Variants in ZNHIT1 observed in about 807,000 individuals in gnomAD.
The protein encoded by ZNHIT1 is zinc finger HIT domain-containing protein 1.
Under a neutral mutation model 21.4 loss-of-function variants are expected in ZNHIT1, and 20 were observed. That is an observed-to-expected ratio of 0.93 (90% confidence interval 0.66 to 1.36). The LOEUF is 1.36. Ranked by LOEUF, ZNHIT1 falls within the 40% of genes most tolerant of loss-of-function variation. ZNHIT1 has a pLI of 0.00. For missense variants in ZNHIT1, 170 were observed against 213.5 expected (o/e 0.80, Z 1.27); for synonymous variants, 79 against 84.0 (o/e 0.94, Z 0.32).
At chr7:101,218,321 T>C (rs1018882027) in intron 1 of ZNHIT1, 104 bp downstream of exon 1, 11 of 1,265,758 alleles carry the variant, frequency 8.7e-6, no homozygotes, top group Non-Finnish European at 1.2e-5. Flanking sequence ...TCGCCTAGGC[T>C]GGAGTGCAGT....
At chr7:101,223,069 C>A (rs910041530) in intron 2 of ZNHIT1, among the ~76,000 whole-genome samples, 1 of 152,084 alleles carries the variant, frequency 6.6e-6, no homozygotes. Flanking sequence ...AGCGAGGGGC[C>A]GACTTAGAGC....
At chr7:101,222,379 G>T (rs1798383047) in intron 1 of ZNHIT1, 2 of 519,814 alleles carry the variant, frequency 3.8e-6, no homozygotes, top group East Asian at 6.3e-5. Flanking sequence ...GAGGAAGGCG[G>T]AGAAAACAGG....
In ZNHIT1 at chr7:101,223,680, G is replaced by A; in HGVS notation, c.281G>A (p.Ser94Asn). ...GGCCCCTTGTCTCTGCAGAACTTGA[G>A]TGTGGCCGAGGGCCCTAACTACCTG... is the stretch of plus-strand genomic sequence containing the variant. ...FQALLEEQNL[S>N]VAEGPNYLTA... The change falls in exon 4 of 5, where the codon AGT (serine) becomes AAT (asparagine). Residue 94 changes from serine (S) to asparagine (N), a missense_variant. Physicochemically the swap from Ser to Asn is conservative, Grantham distance 46. Transcript: ENST00000305105. 1 of 1,610,666 alleles carries A rather than the reference G, an allele frequency of 6.2e-7. No individual in the cohort carries two copies. Among genetic ancestry groups the A allele is most frequent in the Non-Finnish European group, 8.5e-7 (1 of 1,178,184 alleles).
chr7:101,218,221 T>C lies in ZNHIT1; in HGVS notation c.22+4T>C. On this transcript the variant is annotated splice_donor_region_variant and intron_variant, in intron 1 of 4. Coordinates refer to ENST00000305105, the MANE Select transcript of ZNHIT1 (RefSeq NM_006349.3). ...ATGGTGGAGAAGAAAACTTCGGGTA[T>C]GTGAGCCCCCGCGGTTCGCCCCCTT... The C allele has an allele frequency of 1.2e-6, 2 of 1,612,720 alleles. No individual in the cohort carries two copies. Among genetic ancestry groups the C allele is most frequent in the Admixed American group, 1.7e-5 (1 of 59,720 alleles).
Position 101,222,671 on chromosome 7 carries a change from G to C in ZNHIT1, c.90G>C (p.Arg30=). The part of the protein sequence containing the change: ...DRAARQRRIN[R]QLEALENDNF... The stretch of plus-strand genomic sequence containing the variant: ...CTGCCCGGCAGCGTCGCATCAACCG[G>C]CAGCTGGAGGCCCTGGAGAATGACA... Residue 30 remains arginine, a synonymous_variant, in exon 2 of 5, where the codon CGG becomes CGC. Transcript: ENST00000305105. 6.2e-7 allele frequency: 1 copy of C among 1,614,140 alleles called. No homozygotes were observed. The highest frequency in any genetic ancestry group is 8.5e-7 in the Non-Finnish European group (1 of 1,179,998).
At chr7:101,221,017 G>T (rs1390447629) in intron 1 of ZNHIT1, 1 of 152,188 alleles carries the variant, frequency 6.6e-6, no homozygotes, top group Non-Finnish European at 1.5e-5. Context: ...CTCCCAAAGT[G>T]CTGGGATTGC....
intron 4 of ZNHIT1, 40 bp downstream of exon 4, chr7:101,223,882 C>T: frequency 6.2e-7 from 1 of 1,614,138 alleles, no homozygotes. Flanking sequence ...CTCCCTCCTT[C>T]CCACAGCCTC....
At chr7:101,222,911 C>T in intron 2 of ZNHIT1, 137 bp downstream of exon 2, 1 of 1,113,830 alleles carries the variant, frequency 9.0e-7, no homozygotes, top group Non-Finnish European at 1.3e-6. Flanking sequence ...TGAGCAACCA[C>T]ACCCCCTTTC....
rs1335597522 is a variant in ZNHIT1 at position 101,224,090 on chromosome 7, G to A, written c.*132G>A. 1 of 1,398,870 alleles carries A rather than the reference G, an allele frequency of 7.1e-7. No individual in the cohort carries two copies. The highest frequency in any genetic ancestry group is 9.9e-7 in the Non-Finnish European group (1 of 1,008,236). 86.7% of individuals were successfully genotyped at this position (1,398,870 alleles called of 1,614,324 possible). On this transcript the variant is annotated 3_prime_UTR_variant, in exon 5 of 5. Transcript: ENST00000305105. ...AGCCGCTCATTCACCCAACAAAACT[G>A]TGTCTTATCTGCCAGGAAAGACCAG...
chr7:101,219,957 T>C (rs75274561), intron 1 of ZNHIT1: 4,341 of 152,294 alleles, frequency 0.029, 112 homozygotes, highest in African/African-American at 0.068. Context: ...TACTCCATGC[T>C]GTACTTACTG....
rs142789038 is a variant in ZNHIT1, at chr7:101,223,483, A to G, written c.200A>G (p.Lys67Arg). The change falls in exon 3 of 5, where the codon AAA (lysine) becomes AGA (arginine). Residue 67 changes from lysine (K) to arginine (R), a missense_variant. Physicochemically the swap from Lys to Arg is conservative, Grantham distance 26. Transcript: ENST00000305105. ...GATCACCCTTGACCCCTAGGAAAGA[A>G]AAAGAAGAAAACCCGAGGTGATCAT... is the stretch of plus-strand genomic sequence containing the variant. ...QFDDDADTGKKKKKTRGDHFK... is the reference protein window; with the variant it reads ...QFDDDADTGKRKKKTRGDHFK... 495 of 1,614,164 alleles carry G rather than the reference A, an allele frequency of 3.1e-4. 3 individuals are homozygous for G. The South Asian group carries it at 4.3e-3, about 14-fold the overall frequency.
chr7:101,222,940 C>T (rs1166465191), intron 2 of ZNHIT1, among the ~76,000 whole-genome samples, 166 bp downstream of exon 2: 5 of 152,214 alleles, frequency 3.3e-5, no homozygotes, highest in Admixed American at 1.3e-4. Flanking sequence ...AGTTTCCTCT[C>T]GTGTATGTGA....
intron 1 of ZNHIT1, chr7:101,221,536 A>C (rs1383739151): frequency 6.6e-6 from 1 of 152,258 alleles, no homozygotes; most frequent in African/African-American, 2.4e-5. Context: ...CGCTGGCTGC[A>C]TGGCCAGTTC....
At chr7:101,219,197 A>G (rs963065750) in intron 1 of ZNHIT1, 2 of 150,484 alleles carry the variant, frequency 1.3e-5, no homozygotes, top group African/African-American at 4.9e-5. Context: ...TCAACCTCCC[A>G]TGCTCAAGTG....
chr7:101,223,816 C>T lies in ZNHIT1; in HGVS notation c.417C>T (p.Arg139=). The change falls in exon 4 of 5, where the codon CGC becomes CGT. Residue 139 remains arginine (R), a synonymous_variant. Coordinates refer to ENST00000305105, the MANE Select transcript of ZNHIT1 (RefSeq NM_006349.3). ...VSCGARYCTV[R]CLGTHQETRC... is the part of the protein sequence containing the mutation. The stretch of plus-strand genomic sequence containing the variant: ...GCGGTGCCCGGTACTGCACTGTGCG[C>T]TGTCTGGGGACCCACCAGGAGACCA... The T allele has an allele frequency of 6.2e-7, 1 of 1,614,158 alleles. No individual in the cohort carries two copies. The highest frequency in any genetic ancestry group is 1.7e-5 in the Admixed American group (1 of 60,018).
chr7:101,222,599 T>C lies in ZNHIT1; in HGVS notation c.23-5T>C, dbSNP rs1798386479. 5.0e-6 allele frequency: 8 copies of C among 1,611,746 alleles called. No individual in the cohort carries two copies. The highest frequency in any genetic ancestry group is 6.8e-6 in the Non-Finnish European group (8 of 1,178,880). On this transcript the variant is annotated splice_polypyrimidine_tract_variant and splice_region_variant and intron_variant, in intron 1 of 4. Transcript: ENST00000305105. ...CTGTAACTTTGCGTGCCCTGCTCCATCCAGTTCGCTCCCAGGACCCCGGGC... is the reference window on the plus strand; with the variant it reads ...CTGTAACTTTGCGTGCCCTGCTCCACCCAGTTCGCTCCCAGGACCCCGGGC...
Position 101,223,814 on chromosome 7 carries a change from C to T in ZNHIT1, c.415C>T (p.Arg139Cys), listed in dbSNP as rs376183663. The T allele has an allele frequency of 2.9e-5, 46 of 1,614,030 alleles. No homozygotes were observed. The highest frequency in any genetic ancestry group is 3.3e-5 in the Admixed American group (2 of 60,000). ...CTGCGGTGCCCGGTACTGCACTGTG[C>T]GCTGTCTGGGGACCCACCAGGAGAC... ...VSCGARYCTV[R>C]CLGTHQETRC... The change falls in exon 4 of 5, where the codon CGC becomes TGC. Residue 139 changes from arginine (R) to cysteine (C), a missense_variant. Coordinates refer to ENST00000305105, the MANE Select transcript of ZNHIT1 (RefSeq NM_006349.3).
In ZNHIT1 at chr7:101,222,732, C is replaced by T. The variant is rs1387049710; in HGVS notation, c.151C>T (p.Leu51Phe). ...TGACCCCCACGCGGGACTCCCTCAG[C>T]TCGGCAAGAGACTGCCTCAGTTTGA... The part of the protein sequence containing the change: ...QDDPHAGLPQ[L>F]GKRLPQFDDD... Residue 51 changes from leucine (L) to phenylalanine (F), a missense_variant, in exon 2 of 5, where the codon CTC becomes TTC. Transcript: ENST00000305105. 6.2e-7 allele frequency: 1 copy of T among 1,614,066 alleles called. No homozygotes were observed. Among genetic ancestry groups the T allele is most frequent in the East Asian group, 2.2e-5 (1 of 44,888 alleles).
At chr7:101,218,727 G>T (rs186875303) in intron 1 of ZNHIT1, 1 of 159,022 alleles carries the variant, frequency 6.3e-6, no homozygotes, top group African/African-American at 2.4e-5. Flanking sequence ...CTGGAAGGGG[G>T]GCAGAAACGC....
Sources: allele counts gnomAD v4.1 joint callset (sites outside exome capture counted in the v4.1 genomes callset), GRCh38; gene constraint gnomAD v4.1.1; transcripts MANE v1.5; gene names NCBI Gene and HGNC (gene_info 2026-07-23, HGNC 2026-07-21).